ZDHHC4: variants seen among roughly 807,000 people sequenced by gnomAD.
ZDHHC4 encodes palmitoyltransferase ZDHHC4.
A neutral mutation model predicts 36.7 loss-of-function variants in ZDHHC4; 42 were observed. The observed-to-expected ratio is 1.14, with a 90% confidence interval of 0.89 to 1.48. The LOEUF (loss-of-function observed/expected upper bound fraction) is 1.48. Ranked by LOEUF, ZDHHC4 falls within the 40% of genes most tolerant of loss-of-function variation. ZDHHC4 has a pLI of 0.00. For synonymous variants in ZDHHC4, 189 were observed against 166.6 expected, an observed-to-expected ratio of 1.13 and a Z score of -1.03; for missense variants, 457 against 421.5, an observed-to-expected ratio of 1.08 and a Z score of -0.74.
rs1331833640 is a variant in ZDHHC4 at position 6,589,215 on chromosome 7, G to A, written c.*305G>A. The A allele has an allele frequency of 3.5e-5, 13 of 371,442 alleles. No homozygotes were observed. Among genetic ancestry groups the A allele is most frequent in the South Asian group, 5.5e-5 (2 of 36,524 alleles). The allele number at this position is 371,442 out of a possible 1,614,324, so 23.0% of individuals were successfully genotyped here. On this transcript the variant is annotated 3_prime_UTR_variant, in exon 8 of 8. Transcript: ENST00000335965. ...ATGTGGACAGGAGGGGCTTGCGGCC[G>A]TGTCTCTGACCTGTGTGATGTGCAG...
At chr7:6,588,578 G>A (rs1267937773) in intron 7 of ZDHHC4, 39 bp from the exon 8 acceptor site, 1 of 1,599,016 alleles carries the variant, frequency 6.3e-7, no homozygotes, top group Non-Finnish European at 8.5e-7. Context: ...GGATGTCACA[G>A]TCCAGCTGCC....
At chr7:6,586,197 C>T (rs553842073) in intron 7 of ZDHHC4, among the ~76,000 whole-genome samples, 27 of 152,164 alleles carry the variant, frequency 1.8e-4, no homozygotes, top group African/African-American at 5.5e-4. Context: ...TAAAATTCAC[C>T]CTTTAAAGTA....
At chr7:6,579,135 C>CT (rs1780655736) in intron 2 of ZDHHC4, among the ~76,000 whole-genome samples, 3 of 134,050 alleles carry the variant, frequency 2.2e-5, no homozygotes. Context: ...ATTCCAGTAC[C>CT]TTTTTTTTCT....
chr7:6,588,671 C>G lies in ZDHHC4; in HGVS notation c.796C>G (p.Leu266Val). The G allele has an allele frequency of 6.2e-7, 1 of 1,614,202 alleles. No individual in the cohort carries two copies. The highest frequency in any genetic ancestry group is 1.1e-5 in the South Asian group (1 of 91,088). ...IVFMLGFVVV[L>V]SFLLGGYLLF... ...CTTCATGCTGGGCTTTGTCGTGGTTCTGAGCTTCCTCCTGGGTGGCTACCT... is the reference window on the plus strand; with the variant it reads ...CTTCATGCTGGGCTTTGTCGTGGTTGTGAGCTTCCTCCTGGGTGGCTACCT... The change falls in exon 8 of 8, where the codon CTG (leucine) becomes GTG (valine). Residue 266 changes from leucine to valine, a missense_variant. By Grantham distance (32) the Leu-to-Val change is conservative. Transcript: ENST00000335965.
chr7:6,582,133 C>T lies in ZDHHC4; in HGVS notation c.252C>T (p.Thr84=), dbSNP rs1780896587. 1 of 1,614,058 alleles carries T rather than the reference C, an allele frequency of 6.2e-7. No homozygotes were observed. Among genetic ancestry groups the T allele is most frequent in the Non-Finnish European group, 8.5e-7 (1 of 1,180,034 alleles). ...VLQGMVYTEY[T]WEVFGYCQEL... ...AAGGGATGGTTTATACTGAGTACACCTGGGAAGTATTTGGCTACTGTCAGG... is the reference window on the plus strand; with the variant it reads ...AAGGGATGGTTTATACTGAGTACACTTGGGAAGTATTTGGCTACTGTCAGG... Residue 84 remains threonine, a synonymous_variant, in exon 5 of 8, where the codon ACC becomes ACT. Coordinates refer to ENST00000335965, the MANE Select transcript of ZDHHC4 (RefSeq NM_001134389.2).
At chr7:6,578,235 C>CT in intron 1 of ZDHHC4, among the ~76,000 whole-genome samples, 1 of 152,192 alleles carries the variant, frequency 6.6e-6, no homozygotes, top group East Asian at 1.9e-4. Flanking sequence ...TCAAGCCATC[C>CT]TTCCACCTCA....
chr7:6,588,497 CAAGT>C (rs1781419224), intron 7 of ZDHHC4, 116 bp from the exon 8 acceptor site: 1 of 1,032,502 alleles, frequency 9.7e-7, no homozygotes, highest in Non-Finnish European at 1.5e-6. Flanking sequence ...CATCTGGACA[CAAGT>C]AGGTGGGCTG....
At chr7:6,587,757 C>A (rs1403841607) in intron 7 of ZDHHC4, among the ~76,000 whole-genome samples, 1 of 152,206 alleles carries the variant, frequency 6.6e-6, no homozygotes, top group African/African-American at 2.4e-5. Context: ...CAGTGGCTCA[C>A]GCCTGTAATC....
chr7:6,585,664 G>T (rs976805618), intron 7 of ZDHHC4, among the ~76,000 whole-genome samples: 3 of 152,028 alleles, frequency 2.0e-5, no homozygotes, highest in Non-Finnish European at 2.9e-5. Flanking sequence ...AAATTAGCTG[G>T]GTGTGGTGGC....
intron 6 of ZDHHC4, chr7:6,584,788 C>T: frequency 3.5e-6 from 2 of 571,092 alleles, no homozygotes; most frequent in Non-Finnish European, 6.1e-6. Context: ...CATGCCGCCA[C>T]CACCTCAGAT....
chr7:6,578,272 C>T (rs551593072), intron 1 of ZDHHC4, among the ~76,000 whole-genome samples: 115 of 152,142 alleles, frequency 7.6e-4, no homozygotes, highest in African/African-American at 2.2e-3. Flanking sequence ...GGACCACAGG[C>T]GCGGGCCACC....
intron 2 of ZDHHC4, among the ~76,000 whole-genome samples, chr7:6,579,992 C>G (rs1260731970): frequency 6.6e-6 from 1 of 151,892 alleles, no homozygotes; most frequent in Non-Finnish European, 1.5e-5. Context: ...AAAAATTAGC[C>G]AGGCATGGGG....
rs370478159 is a variant in ZDHHC4 at position 6,580,650 on chromosome 7, T to C, written c.89T>C (p.Leu30Ser). The change falls in exon 3 of 8, where the codon TTG becomes TCG. Residue 30 changes from leucine (L) to serine (S), a missense_variant. Physicochemically the swap from Leu to Ser is moderately radical, Grantham distance 145. Coordinates refer to ENST00000335965, the MANE Select transcript of ZDHHC4 (RefSeq NM_001134389.2). Reference sequence around the variant, plus strand: ...TGCGTCTGCTCGAAAACCCATAGCTTGAAAGGCCTGGCCAGGGGAGGAGCA... The same window carrying C: ...TGCGTCTGCTCGAAAACCCATAGCTCGAAAGGCCTGGCCAGGGGAGGAGCA... ...LICVCSKTHSLKGLARGGAQI... is the reference protein window; with the variant it reads ...LICVCSKTHSSKGLARGGAQI... The C allele has an allele frequency of 2.9e-5, 47 of 1,614,064 alleles. No homozygotes were observed. The African/African-American group carries it at 5.9e-4, about 20-fold the overall frequency.
chr7:6,580,787 T>A, intron 3 of ZDHHC4, 109 bp downstream of exon 3: 1 of 1,007,526 alleles, frequency 9.9e-7, no homozygotes, highest in Non-Finnish European at 1.5e-6. Flanking sequence ...GTGCAGTGCC[T>A]CACACCTGTA....
At chr7:6,578,770 A>G (rs1225861938) in intron 2 of ZDHHC4, 50 bp downstream of exon 2, 2 of 151,914 alleles carry the variant, frequency 1.3e-5, no homozygotes, top group African/African-American at 4.8e-5. Flanking sequence ...CTGTTTGTTT[A>G]CTCTCACCTA....
In ZDHHC4 at chr7:6,580,753, G is replaced by A. The variant is rs371458202; in HGVS notation, c.117+75G>A. 58 of 1,441,998 alleles carry A rather than the reference G, an allele frequency of 4.0e-5. 1 individual carries two copies. The highest frequency in any genetic ancestry group is 3.4e-4 in the African/African-American group (24 of 71,110). 89.3% of individuals were successfully genotyped at this position (1,441,998 alleles called of 1,614,324 possible). ...AAGAGACTCACAGGTTTTGCTACAG[G>A]ACAAAAAAGAGATGCCAGGCCGGGT... is the stretch of plus-strand genomic sequence containing the variant. On this transcript the variant is annotated intron_variant, in intron 3 of 7. Coordinates refer to ENST00000335965, the MANE Select transcript of ZDHHC4 (RefSeq NM_001134389.2).
intron 4 of ZDHHC4, 79 bp downstream of exon 4, chr7:6,581,759 A>G: frequency 4.0e-6 from 5 of 1,240,896 alleles, no homozygotes; most frequent in Non-Finnish European, 5.7e-6. Context: ...AGCTTCAGGA[A>G]GCTCCTTGTG....
chr7:6,589,052 G>C lies in ZDHHC4; in HGVS notation c.*142G>C. 1 of 1,052,686 alleles carries C rather than the reference G, an allele frequency of 9.5e-7. No homozygotes were observed. Among genetic ancestry groups the C allele is most frequent in the Non-Finnish European group, 1.4e-6 (1 of 731,070 alleles). 65.2% of individuals were successfully genotyped at this position (1,052,686 alleles called of 1,614,324 possible). On this transcript the variant is annotated 3_prime_UTR_variant, in exon 8 of 8. Transcript: ENST00000335965. ...GGGCAAGGGAGAGAGGGGAAAATGG[G>C]TGTTGACTGAGGAATCCCCCTTGCT...
At position 6,578,602 on chromosome 7, in the gene ZDHHC4, C is replaced by G. The variant is rs1318169363; in HGVS notation, c.-126C>G. The G allele has an allele frequency of 2.6e-5, 4 of 152,244 alleles. No individual in the cohort carries two copies. Among genetic ancestry groups the G allele is most frequent in the Non-Finnish European group, 5.9e-5 (4 of 68,062 alleles). 9.4% of individuals were successfully genotyped at this position (152,244 alleles called of 1,614,324 possible). ...CTCCTGGAAGAACCATGTCCGGCAG[C>G]TACTGGTCATGCCAGGCACACACTG... On this transcript the variant is annotated 5_prime_UTR_variant, in exon 2 of 8. Transcript: ENST00000335965.
Sources: gnomAD v4.1 joint callset for allele counts (sites outside exome capture counted in the v4.1 genomes callset) on GRCh38, gnomAD v4.1.1 for gene constraint, MANE v1.5 for transcripts, NCBI Gene and HGNC (gene_info 2026-07-23, HGNC 2026-07-21) for gene names.